TTYH2: variants seen among roughly 807,000 people sequenced by gnomAD.
TTYH2 encodes the protein tweety family member 2, also known as protein tweety homolog 2.
Under a neutral mutation model 68.3 loss-of-function variants are expected in TTYH2, and 49 were observed. The observed-to-expected ratio is 0.72, with a 90% CI of 0.57 to 0.91. The LOEUF is 0.91. TTYH2 is among the 40% of genes least tolerant of loss of function. TTYH2 has a pLI of 0.00. For missense variants in TTYH2, 631 were observed against 700.4 expected (o/e 0.90, Z 1.12); for synonymous variants, 272 against 300.8 (o/e 0.90, Z 0.99).
chr17:74,243,331 G>T, intron 4 of TTYH2, 43 bp from the exon 5 acceptor site: 1 of 1,561,306 alleles, frequency 6.4e-7, no homozygotes, highest in Non-Finnish European at 8.8e-7. Flanking sequence ...CAGGTCAGAA[G>T]TTCCACCCTG....
At position 74,241,711 on chromosome 17, in the gene TTYH2, G is replaced by A. The variant is rs955767361; in HGVS notation, c.636-1663G>A. On this transcript the variant is annotated intron_variant, in intron 4 of 13. Transcript: ENST00000269346. The surrounding 1 kb of genome is among the most constrained non-coding windows in gnomAD (Gnocchi z 4.1). Reference sequence around the variant, plus strand: ...CCATTGCTGGAGAGGAGAGGTCAGCGACTTTACTTGGCTCTTGCAGCAAGA... The same window carrying A: ...CCATTGCTGGAGAGGAGAGGTCAGCAACTTTACTTGGCTCTTGCAGCAAGA... Among the ~76,000 whole-genome samples the A allele has an allele frequency of 1.3e-5, 2 of 152,216 alleles. No homozygotes were observed. Among genetic ancestry groups the A allele is most frequent in the East Asian group, 1.9e-4 (1 of 5,192 alleles).
intron 9 of TTYH2, 50 bp downstream of exon 9, chr17:74,250,078 C>T (rs761880315): frequency 6.3e-7 from 1 of 1,596,572 alleles, no homozygotes; most frequent in Non-Finnish European, 8.6e-7. Flanking sequence ...CCCTGACAGC[C>T]CTTTCCCCTG....
chr17:74,248,798 A>C, intron 6 of TTYH2: 1 of 1,419,106 alleles, frequency 7.0e-7, no homozygotes, highest in South Asian at 1.5e-5. Flanking sequence ...AGATGAGGCA[A>C]CCGGGGCACA....
In TTYH2 at chr17:74,259,212, CTTTG is replaced by C. The variant is rs370031504; in HGVS notation, c.1525-913_1525-910del. On this transcript the variant is annotated intron_variant, in intron 13 of 13. Coordinates refer to ENST00000269346, the MANE Select transcript of TTYH2 (RefSeq NM_032646.6). ...ATTCATTTTATGTTATGTGTGTGGT[CTTTG>C]TTTTTTTTTAAGAGAGAGGGTCTCG... Among the ~76,000 whole-genome samples the C allele has an allele frequency of 7.3e-3, 1,107 of 152,060 alleles. 6 individuals carry two copies. The highest frequency in any genetic ancestry group is 0.012 in the Non-Finnish European group (811 of 67,958).
At chr17:74,231,100 C>T (rs1428532307) in intron 3 of TTYH2, 101 bp downstream of exon 3, 3 of 1,110,930 alleles carry the variant, frequency 2.7e-6, no homozygotes, top group South Asian at 2.8e-5. Context: ...CAGCTGCACA[C>T]GGAGGGGCTG....
chr17:74,249,748 G>A (rs570858566), intron 8 of TTYH2, among the ~76,000 whole-genome samples, 188 bp from the exon 9 acceptor site: 122 of 143,390 alleles, frequency 8.5e-4, no homozygotes, highest in African/African-American at 2.8e-3. Flanking sequence ...CAGCTCTCAA[G>A]AAGCCAGAGG....
rs1451023686 is a variant in TTYH2, at chr17:74,215,171, G to A, written c.129+1455G>A. ...GGCGGATATGATTTCAGAAACAGCC[G>A]TGTGTGTGTGTGTGTGTGTGTGTGT... is the stretch of plus-strand genomic sequence containing the variant. On this transcript the variant is annotated intron_variant, in intron 1 of 13. Transcript: ENST00000269346. The surrounding 1 kb of genome is among the most constrained non-coding windows in gnomAD (Gnocchi z 4.3). Among the ~76,000 whole-genome samples the A allele has an allele frequency of 1.2e-4, 4 of 34,462 alleles. No individual in the cohort carries two copies. The highest frequency in any genetic ancestry group is 1.6e-3 in the East Asian group (2 of 1,270). 22.6% of individuals were successfully genotyped at this position (34,462 alleles called of 152,430 possible).
intron 3 of TTYH2, among the ~76,000 whole-genome samples, chr17:74,236,844 A>G (rs1174576835): frequency 1.3e-5 from 2 of 150,506 alleles, no homozygotes; most frequent in African/African-American, 4.9e-5. Context: ...CGAGATCTTC[A>G]GGCCTGGGGC....
chr17:74,256,332 C>A (rs1160401078), intron 13 of TTYH2, among the ~76,000 whole-genome samples: 3 of 152,110 alleles, frequency 2.0e-5, no homozygotes, highest in Non-Finnish European at 4.4e-5. Flanking sequence ...GGGCTGGATG[C>A]TATTGACATC....
chr17:74,220,933 G>C (rs2050269711), intron 1 of TTYH2, among the ~76,000 whole-genome samples: 1 of 152,140 alleles, frequency 6.6e-6, no homozygotes, highest in African/African-American at 2.4e-5. Context: ...ACTACAGGCA[G>C]ATGCCACCAT....
Position 74,249,059 on chromosome 17 carries a change from A to G in TTYH2, c.853A>G (p.Thr285Ala). The change falls in exon 7 of 14, where the codon ACG (threonine) becomes GCG (alanine). Residue 285 changes from threonine to alanine, a missense_variant. Coordinates refer to ENST00000269346, the MANE Select transcript of TTYH2 (RefSeq NM_032646.6). ...TCCTGACACCTTCATCCTGAACGTC[A>G]CGGAGGGCCAGATCAGCACAGGTAA... The part of the protein sequence containing the change: ...VAPDTFILNV[T>A]EGQISTEVTR... 1.2e-5 allele frequency: 20 copies of G among 1,614,118 alleles called. No homozygotes were observed. The highest frequency in any genetic ancestry group is 1.7e-5 in the Non-Finnish European group (20 of 1,180,000).
rs1029152532 is a variant in TTYH2 at position 74,217,392 on chromosome 17, C to A, written c.129+3676C>A. 6.6e-6 allele frequency among the ~76,000 whole-genome samples: 1 copy of A among 152,146 alleles called. No homozygotes were observed. The highest frequency in any genetic ancestry group is 1.5e-5 in the Non-Finnish European group (1 of 68,024). On this transcript the variant is annotated intron_variant, in intron 1 of 13. Transcript: ENST00000269346. The surrounding 1 kb of genome is among the most constrained non-coding windows in gnomAD (Gnocchi z 4.0). ...TTGGTTGGTTCCGTTCATAGATTCG[C>A]CAAAGTACAAAGTGGAGGGTACACA...
intron 8 of TTYH2, 117 bp downstream of exon 8, chr17:74,249,516 C>A: frequency 9.2e-7 from 1 of 1,084,290 alleles, no homozygotes; most frequent in Non-Finnish European, 1.4e-6. Context: ...CACTGTGGTC[C>A]TCTCCTTAGC....
chr17:74,221,842 C>T (rs181734862), intron 1 of TTYH2, among the ~76,000 whole-genome samples: 3 of 152,226 alleles, frequency 2.0e-5, no homozygotes, highest in South Asian at 2.1e-4. Flanking sequence ...CTGACTATCC[C>T]GCCCCCTCAC....
chr17:74,260,062 G>A lies in TTYH2; in HGVS notation c.1525-67G>A, dbSNP rs528612108. The A allele has an allele frequency of 4.2e-5, 61 of 1,449,012 alleles. No individual in the cohort carries two copies. The East Asian group carries it at 1.0e-3, about 24-fold the overall frequency. The allele number at this position is 1,449,012 out of a possible 1,614,324, so 89.8% of individuals were successfully genotyped here. Reference sequence around the variant, plus strand: ...CCCAGTTCCACTCTGAGAAGTCCCCGGCACCTTTGCTGGTGCAGTGCTTGG... The same window carrying A: ...CCCAGTTCCACTCTGAGAAGTCCCCAGCACCTTTGCTGGTGCAGTGCTTGG... On this transcript the variant is annotated intron_variant, in intron 13 of 13. Transcript: ENST00000269346.
intron 13 of TTYH2, 54 bp from the exon 14 acceptor site, chr17:74,260,075 G>C (rs1457777873): frequency 6.5e-7 from 1 of 1,539,150 alleles, no homozygotes; most frequent in Non-Finnish European, 9.0e-7. Flanking sequence ...ACCTTTGCTG[G>C]TGCAGTGCTT....
chr17:74,216,778 G>A (rs905499021), intron 1 of TTYH2, among the ~76,000 whole-genome samples: 1 of 152,256 alleles, frequency 6.6e-6, no homozygotes, highest in Non-Finnish European at 1.5e-5. Context: ...AGATGTGGCT[G>A]TATGTCTGGA....
At chr17:74,251,925 G>T (rs1195417347) in intron 10 of TTYH2, 9 of 354,102 alleles carry the variant, frequency 2.5e-5, no homozygotes, top group South Asian at 2.4e-4. Flanking sequence ...TTGCCATCCT[G>T]GCCTCAGCTT....
At position 74,237,525 on chromosome 17, in the gene TTYH2, G is replaced by A. The variant is rs778451746; in HGVS notation, c.635+11G>A. 1.9e-5 allele frequency: 30 copies of A among 1,590,340 alleles called. No individual in the cohort carries two copies. Among genetic ancestry groups the A allele is most frequent in the East Asian group, 1.8e-4 (8 of 44,312 alleles). ...CGTGGAGTACTACAGGTGAAGGACC[G>A]GTGGGAGGCAGAGGGAGGGGCAGCA... On this transcript the variant is annotated intron_variant, in intron 4 of 13. Coordinates refer to ENST00000269346, the MANE Select transcript of TTYH2 (RefSeq NM_032646.6).
Sources: gnomAD v4.1 joint callset for allele counts (sites outside exome capture counted in the v4.1 genomes callset) on GRCh38, gnomAD v4.1.1 for gene constraint, Gnocchi (gnomAD v3.1) non-coding constraint, MANE v1.5 for transcripts, NCBI Gene and HGNC (gene_info 2026-07-23, HGNC 2026-07-21) for gene names.